Variants in ACER3 observed in about 807,000 individuals in gnomAD.
The protein encoded by ACER3 is alkCDase 3.
A neutral mutation model predicts 48.9 loss-of-function variants in ACER3; 16 were observed. That is an observed-to-expected ratio of 0.33 (90% CI 0.22 to 0.50). ACER3 has a LOEUF of 0.50. Among genes scored for constraint, ACER3 ranks in the 20% least tolerant of loss-of-function variants. The pLI, the probability that ACER3 is intolerant of heterozygous loss-of-function variation, is 0.98. For missense variants in ACER3, 227 were observed against 326.0 expected, an observed-to-expected ratio of 0.70 and a Z score of 2.34; for synonymous variants, 109 against 107.8, an observed-to-expected ratio of 1.01 and a Z score of -0.07.
At chr11:76,893,875 C>T (rs567725663) in intron 1 of ACER3, among the ~76,000 whole-genome samples, 1 of 152,278 alleles carries the variant, frequency 6.6e-6, no homozygotes, top group Admixed American at 6.5e-5. Context: ...GTTATTTTAA[C>T]TAAAACTGTG....
At chr11:77,007,900 T>C (rs1949186795) in intron 7 of ACER3, among the ~76,000 whole-genome samples, 1 of 152,190 alleles carries the variant, frequency 6.6e-6, no homozygotes. Flanking sequence ...TAATGTATTA[T>C]ATATTTCAAA....
At chr11:76,936,085 AC>A (rs1947174638) in intron 2 of ACER3, among the ~76,000 whole-genome samples, 1 of 152,228 alleles carries the variant, frequency 6.6e-6, no homozygotes, top group South Asian at 2.1e-4. Context: ...GGTTTACTGG[AC>A]TTACGGTTCC....
At chr11:76,906,022 T>G (rs998383562) in intron 1 of ACER3, among the ~76,000 whole-genome samples, 8 of 152,238 alleles carry the variant, frequency 5.3e-5, no homozygotes, top group Non-Finnish European at 1.0e-4. Context: ...GAGAGAAAGC[T>G]AACATGGCTG....
chr11:76,941,671 G>GT (rs1947346174), intron 2 of ACER3, among the ~76,000 whole-genome samples: 1 of 151,804 alleles, frequency 6.6e-6, no homozygotes, highest in African/African-American at 2.4e-5. Flanking sequence ...CTTAGAATAG[G>GT]TTTTTTCTAA....
intron 1 of ACER3, among the ~76,000 whole-genome samples, chr11:76,922,040 A>G (rs1307514096): frequency 2.6e-5 from 4 of 152,182 alleles, no homozygotes; most frequent in Non-Finnish European, 5.9e-5. Context: ...TAGGAGGACC[A>G]CTATCTAGCT....
chr11:76,944,961 T>A (rs1401880932), intron 2 of ACER3, among the ~76,000 whole-genome samples: 2 of 151,998 alleles, frequency 1.3e-5, no homozygotes, highest in African/African-American at 4.8e-5. Context: ...GTCTTCAAGT[T>A]CTGAGATTCT....
chr11:76,879,187 C>G (rs1262171875), intron 1 of ACER3, among the ~76,000 whole-genome samples: 1 of 151,906 alleles, frequency 6.6e-6, no homozygotes, highest in East Asian at 1.9e-4. Context: ...AGCTTTTTCT[C>G]TTATGGTTAT....
chr11:76,928,067 A>G (rs1486879315), intron 2 of ACER3, among the ~76,000 whole-genome samples: 2 of 152,200 alleles, frequency 1.3e-5, no homozygotes, highest in South Asian at 2.1e-4. Flanking sequence ...ACTAGTTTAC[A>G]GTCCCACCGA....
At chr11:76,979,617 C>T (rs761185140) in intron 4 of ACER3, among the ~76,000 whole-genome samples, 2 of 151,862 alleles carry the variant, frequency 1.3e-5, no homozygotes, top group African/African-American at 4.8e-5. Context: ...GGCACCACTA[C>T]ACTCCAGCCT....
In ACER3 at chr11:76,898,096, A is replaced by G. The variant is rs181064542; in HGVS notation, c.104-28461A>G. The stretch of plus-strand genomic sequence containing the variant: ...TGGAGAAGAATACAATTATTATAGT[A>G]TAGACTGGTTGTTACTGCCCTAATT... On this transcript the variant is annotated intron_variant, in intron 1 of 10. Transcript: ENST00000532485. Among the ~76,000 whole-genome samples the G allele has an allele frequency of 2.4e-4, 36 of 152,284 alleles. No homozygotes were observed. The East Asian group carries it at 6.6e-3, about 28-fold the overall frequency.
At position 76,877,310 on chromosome 11, in the gene ACER3, C is replaced by T. The variant is rs146000089; in HGVS notation, c.103+16231C>T. The stretch of plus-strand genomic sequence containing the variant: ...TTTCAGAGCATGCAGCTTTTAACAG[C>T]AAGTAGAAGGACTGGCTAGAGTCAG... On this transcript the variant is annotated intron_variant, in intron 1 of 10. Coordinates refer to ENST00000532485, the MANE Select transcript of ACER3 (RefSeq NM_018367.7). Among the ~76,000 whole-genome samples, 323 of 152,148 alleles carry T rather than the reference C, an allele frequency of 2.1e-3. 1 individual carries two copies. The highest frequency in any genetic ancestry group is 7.5e-3 in the African/African-American group (312 of 41,534).
chr11:76,913,144 A>G (rs7109060), intron 1 of ACER3, among the ~76,000 whole-genome samples: 118,607 of 151,838 alleles, frequency 0.78, 46,973 homozygotes, highest in African/African-American at 0.9. Context: ...GTGAATGGGA[A>G]TTCACTCATG....
At chr11:76,894,115 C>T (rs1195486299) in intron 1 of ACER3, among the ~76,000 whole-genome samples, 3 of 152,034 alleles carry the variant, frequency 2.0e-5, no homozygotes, top group African/African-American at 7.2e-5. Flanking sequence ...CCTGTCTCTA[C>T]AAAAAATTAC....
chr11:76,987,894 T>G (rs1256328579), intron 5 of ACER3, among the ~76,000 whole-genome samples: 2 of 152,218 alleles, frequency 1.3e-5, no homozygotes, highest in African/African-American at 4.8e-5. Context: ...GAGCCATGAT[T>G]GTGCCACTGC....
intron 3 of ACER3, among the ~76,000 whole-genome samples, chr11:76,963,025 A>G (rs1948037646): frequency 6.6e-6 from 1 of 151,516 alleles, no homozygotes; most frequent in African/African-American, 2.5e-5. Context: ...CTCAGACTGT[A>G]GAAGCTGCCT....
chr11:76,977,623 G>A (rs950822052), intron 4 of ACER3, among the ~76,000 whole-genome samples: 5 of 152,218 alleles, frequency 3.3e-5, no homozygotes, highest in African/African-American at 1.2e-4. Flanking sequence ...CCCTAGTAAC[G>A]AGGCTTTTGA....
chr11:76,989,270 T>C (rs1344244514), intron 5 of ACER3, among the ~76,000 whole-genome samples: 1 of 151,430 alleles, frequency 6.6e-6, no homozygotes, highest in African/African-American at 2.4e-5. Context: ...TTTTTTTTTT[T>C]GTACTGAGGG....
At chr11:76,940,239 C>T (rs1947302050) in intron 2 of ACER3, among the ~76,000 whole-genome samples, 1 of 152,042 alleles carries the variant, frequency 6.6e-6, no homozygotes, top group Non-Finnish European at 1.5e-5. Context: ...CCACCTCAGC[C>T]TCCCAAAGTG....
At chr11:76,933,358 T>C (rs1399402759) in intron 2 of ACER3, among the ~76,000 whole-genome samples, 10 of 145,712 alleles carry the variant, frequency 6.9e-5, no homozygotes, top group African/African-American at 1.5e-4. Flanking sequence ...CATAGGACAA[T>C]AGTGGAGGGA....
Sources: gnomAD v4.1 joint callset for allele counts (sites outside exome capture counted in the v4.1 genomes callset) on GRCh38, gnomAD v4.1.1 for gene constraint, MANE v1.5 for transcripts, NCBI Gene and HGNC (gene_info 2026-07-23, HGNC 2026-07-21) for gene names.